Variants in DCLK1 observed in about 807,000 individuals in gnomAD.
DCLK1 encodes the protein serine/threonine-protein kinase DCLK1.
DCLK1 carries 16 observed loss-of-function variants against 86.2 expected under a neutral mutation model. The observed-to-expected ratio is 0.19, with a 90% CI of 0.13 to 0.28. DCLK1 has a LOEUF of 0.28. DCLK1 is among the 10% of genes least tolerant of loss of function. The pLI, the probability that DCLK1 is intolerant of heterozygous loss-of-function variation, is 1.00. For synonymous variants in DCLK1, 369 were observed against 370.5 expected, an observed-to-expected ratio of 1.00 and a Z score of 0.05; for missense variants, 590 against 940.2, an observed-to-expected ratio of 0.63 and a Z score of 4.87.
intron 14 of DCLK1, among the ~76,000 whole-genome samples, chr13:35,806,835 C>T (rs1000052658): frequency 2.0e-5 from 3 of 152,162 alleles, no homozygotes; most frequent in African/African-American, 7.2e-5. Flanking sequence ...CTGTATCGTC[C>T]CATCTCCTTT....
chr13:35,968,474 T>A (rs939385122), intron 3 of DCLK1, among the ~76,000 whole-genome samples: 4 of 152,214 alleles, frequency 2.6e-5, no homozygotes, highest in African/African-American at 9.7e-5. Context: ...AGCTTCCTTT[T>A]CCTGAACATC....
rs1245798067 is a variant in DCLK1 at position 36,021,831 on chromosome 13, T to C, written c.724-74374A>G. ...ACCTCAATACTGTACTTTCAAATAA[T>C]AGATAAAACAACTAGGCAGAAGATC... On this transcript the variant is annotated intron_variant, in intron 3 of 16. Transcript: ENST00000360631. Among the ~76,000 whole-genome samples the C allele has an allele frequency of 2.0e-5, 3 of 151,878 alleles. No homozygotes were observed. The South Asian group carries it at 6.2e-4, about 31-fold the overall frequency.
chr13:36,063,195 T>C (rs1049308547), intron 3 of DCLK1, among the ~76,000 whole-genome samples: 1 of 152,222 alleles, frequency 6.6e-6, no homozygotes, highest in African/African-American at 2.4e-5. Context: ...TCTCCTCCAA[T>C]GTCACCAGAA....
chr13:35,801,417 C>T (rs1342038230), intron 15 of DCLK1, among the ~76,000 whole-genome samples: 2 of 152,084 alleles, frequency 1.3e-5, no homozygotes, highest in African/African-American at 4.8e-5. Context: ...AAAAGTTAAG[C>T]ACTCACTTAA....
At chr13:36,064,992 C>A (rs1883696721) in intron 3 of DCLK1, among the ~76,000 whole-genome samples, 1 of 152,146 alleles carries the variant, frequency 6.6e-6, no homozygotes, top group South Asian at 2.1e-4. Flanking sequence ...AAGCACTCTT[C>A]TGTAAAAAAA....
At chr13:35,854,441 ACCTG>A in intron 6 of DCLK1, 54 bp downstream of exon 6, 1 of 1,405,076 alleles carries the variant, frequency 7.1e-7, no homozygotes, top group Non-Finnish European at 9.6e-7. Context: ...TGGCACCTGT[ACCTG>A]TCTGCACCAA....
At chr13:35,789,343 A>T (rs2086672793) in intron 16 of DCLK1, among the ~76,000 whole-genome samples, 1 of 152,242 alleles carries the variant, frequency 6.6e-6, no homozygotes, top group Non-Finnish European at 1.5e-5. Context: ...TGCTCTGATT[A>T]TAAACTAGGC....
At position 35,785,294 on chromosome 13, in the gene DCLK1, G is replaced by A. The variant is rs113325129; in HGVS notation, c.2058+8072C>T. Reference sequence around the variant, plus strand: ...GGAAGGTAGAAATGTGTGTGACAGCGTCCCCTTTGAATAAGGATGCATTTC... The same window carrying A: ...GGAAGGTAGAAATGTGTGTGACAGCATCCCCTTTGAATAAGGATGCATTTC... On this transcript the variant is annotated intron_variant, in intron 16 of 16. Coordinates refer to ENST00000360631, the MANE Select transcript of DCLK1 (RefSeq NM_001330071.2). Among the ~76,000 whole-genome samples, 24 of 152,232 alleles carry A rather than the reference G, an allele frequency of 1.6e-4. 2 individuals carry two copies. Among genetic ancestry groups the A allele is most frequent in the African/African-American group, 3.6e-4 (15 of 41,554 alleles).
intron 5 of DCLK1, among the ~76,000 whole-genome samples, chr13:35,866,406 A>C (rs1031541134): frequency 6.6e-6 from 1 of 152,084 alleles, no homozygotes; most frequent in Non-Finnish European, 1.5e-5. Flanking sequence ...ACTGAAGTAG[A>C]AATCATTATA....
At chr13:35,974,711 G>C (rs1879246015) in intron 3 of DCLK1, among the ~76,000 whole-genome samples, 1 of 152,128 alleles carries the variant, frequency 6.6e-6, no homozygotes, top group South Asian at 2.1e-4. Context: ...AGCTTGTACA[G>C]CTCACAGAAT....
At chr13:35,780,069 T>G (rs2086498943) in intron 16 of DCLK1, among the ~76,000 whole-genome samples, 1 of 152,174 alleles carries the variant, frequency 6.6e-6, no homozygotes, top group Admixed American at 6.5e-5. Flanking sequence ...TTCAACCATT[T>G]CTAAAAGGCA....
intron 8 of DCLK1, among the ~76,000 whole-genome samples, chr13:35,833,730 T>C (rs151195137): frequency 1.9e-3 from 297 of 152,342 alleles, no homozygotes; most frequent in African/African-American, 7.1e-3. Flanking sequence ...GCAAGCAATG[T>C]GTGCCATTCA....
At chr13:35,822,528 A>G (rs1377870303) in intron 11 of DCLK1, among the ~76,000 whole-genome samples, 2 of 152,168 alleles carry the variant, frequency 1.3e-5, no homozygotes, top group Non-Finnish European at 2.9e-5. Flanking sequence ...TTTGTTTGCT[A>G]ATAAATCAGG....
intron 3 of DCLK1, among the ~76,000 whole-genome samples, chr13:35,998,074 C>T (rs891698390): frequency 6.6e-6 from 1 of 152,118 alleles, no homozygotes; most frequent in Non-Finnish European, 1.5e-5. Context: ...GCTTTAGTTA[C>T]TGACCCCCTT....
At chr13:35,834,728 G>A (rs1254969050) in intron 8 of DCLK1, among the ~76,000 whole-genome samples, 1 of 152,170 alleles carries the variant, frequency 6.6e-6, no homozygotes, top group Non-Finnish European at 1.5e-5. Context: ...GGAGAGAGGA[G>A]AACGGTGGCC....
At chr13:35,786,626 A>G (rs942495730) in intron 16 of DCLK1, among the ~76,000 whole-genome samples, 2 of 152,144 alleles carry the variant, frequency 1.3e-5, no homozygotes, top group Non-Finnish European at 2.9e-5. Flanking sequence ...TGCATTCCTG[A>G]TAGGTGCACT....
At chr13:35,849,178 G>T in intron 6 of DCLK1, 1 of 985,244 alleles carries the variant, frequency 1.0e-6, no homozygotes, top group Non-Finnish European at 1.2e-6. Flanking sequence ...CTTTTGGTTG[G>T]AATATTTTAT....
chr13:36,073,249 C>T (rs1267706138), intron 3 of DCLK1, among the ~76,000 whole-genome samples: 2 of 152,198 alleles, frequency 1.3e-5, no homozygotes, highest in African/African-American at 2.4e-5. Context: ...ATGCTATCCT[C>T]CTACGTCCAG....
chr13:35,952,849 C>G (rs1455234831), intron 3 of DCLK1, among the ~76,000 whole-genome samples: 4 of 152,158 alleles, frequency 2.6e-5, no homozygotes, highest in Non-Finnish European at 5.9e-5. Flanking sequence ...GCCATACCCA[C>G]AATACCTCAA....
Sources: allele counts gnomAD v4.1 joint callset (sites outside exome capture counted in the v4.1 genomes callset), GRCh38; gene constraint gnomAD v4.1.1; transcripts MANE v1.5; gene names NCBI Gene and HGNC (gene_info 2026-07-23, HGNC 2026-07-21).